The following MND1 variants were observed in gnomAD, a reference collection of about 807,000 sequenced individuals.
MND1 encodes meiotic nuclear division protein 1 homolog.
Under a neutral mutation model 35.1 loss-of-function variants are expected in MND1, and 28 were observed. The ratio of observed to expected loss-of-function variants is 0.80; its 90% CI spans 0.59 to 1.09. The LOEUF is 1.09. Among genes scored for constraint, MND1 ranks in the 50% least tolerant of loss-of-function variants. The pLI, the probability that MND1 is intolerant of heterozygous loss-of-function variation, is 0.00. For synonymous variants in MND1, 69 were observed against 70.5 expected (o/e 0.98, Z 0.11); for missense variants, 213 against 239.6 (o/e 0.89, Z 0.73).
intron 4 of MND1, among the ~76,000 whole-genome samples, chr4:153,391,606 A>G (rs1052762463): frequency 1.3e-5 from 2 of 151,610 alleles, no homozygotes; most frequent in Non-Finnish European, 2.9e-5. Context: ...GGGTGCCTGT[A>G]ATCCCAGCTA....
chr4:153,410,213 CTT>C (rs1164290764), intron 7 of MND1, among the ~76,000 whole-genome samples: 1 of 151,986 alleles, frequency 6.6e-6, no homozygotes, highest in Non-Finnish European at 1.5e-5. Context: ...CTTTTCTTCT[CTT>C]AAAAAAGTTC....
intron 4 of MND1, among the ~76,000 whole-genome samples, chr4:153,382,824 G>A (rs1216933841): frequency 6.6e-6 from 1 of 152,104 alleles, no homozygotes; most frequent in Non-Finnish European, 1.5e-5. Context: ...ATTTTCATTA[G>A]AAATTTCAAT....
chr4:153,375,290 G>T (rs532054679), intron 4 of MND1, among the ~76,000 whole-genome samples: 1 of 152,122 alleles, frequency 6.6e-6, no homozygotes, highest in South Asian at 2.1e-4. Flanking sequence ...AAGAGCTTTT[G>T]CATGTTTTGT....
At chr4:153,389,247 C>T (rs985484078) in intron 4 of MND1, among the ~76,000 whole-genome samples, 22 of 152,182 alleles carry the variant, frequency 1.4e-4, no homozygotes, top group African/African-American at 5.1e-4. Flanking sequence ...ACCAGGGACC[C>T]GCCTCTATCT....
chr4:153,396,895 AT>A (rs1207394156), intron 5 of MND1, among the ~76,000 whole-genome samples: 9 of 146,986 alleles, frequency 6.1e-5, no homozygotes, highest in African/African-American at 2.2e-4. Flanking sequence ...AAGTAGTATA[AT>A]TTTTTTCTGT....
chr4:153,414,213 A>G (rs534126167), intron 7 of MND1, among the ~76,000 whole-genome samples: 4 of 152,294 alleles, frequency 2.6e-5, no homozygotes, highest in African/African-American at 9.6e-5. Context: ...TAAGTCTGGT[A>G]TTTAGCAGCA....
Position 153,415,047 on chromosome 4 carries a change from C to T in MND1, c.*190C>T, listed in dbSNP as rs992582481. 4 of 357,172 alleles carry T rather than the reference C, an allele frequency of 1.1e-5. No individual in the cohort carries two copies. The highest frequency in any genetic ancestry group is 1.5e-5 in the Non-Finnish European group (3 of 194,228). 22.1% of individuals were successfully genotyped at this position (357,172 alleles called of 1,614,324 possible). A position where few individuals can be genotyped will look rare whatever the true frequency, so the allele number is the denominator to read the frequency against. Reference sequence around the variant, plus strand: ...ACAAAAGCAGGATGATAACCATATCCCCCCAGTGCTCATCAAAGTAGGACA... The same window carrying T: ...ACAAAAGCAGGATGATAACCATATCTCCCCAGTGCTCATCAAAGTAGGACA... On this transcript the variant is annotated 3_prime_UTR_variant, in exon 8 of 8. Transcript: ENST00000240488.
chr4:153,377,805 A>G (rs1295277521), intron 4 of MND1, among the ~76,000 whole-genome samples: 1 of 152,172 alleles, frequency 6.6e-6, no homozygotes, highest in Non-Finnish European at 1.5e-5. Context: ...AACTTCCGCC[A>G]TTTACATGCT....
rs1383156183 is a variant in MND1, at chr4:153,394,353, A to G, written c.351+17A>G. 3.8e-6 allele frequency: 6 copies of G among 1,594,324 alleles called. No individual in the cohort carries two copies. Among genetic ancestry groups the G allele is most frequent in the East Asian group, 4.5e-5 (2 of 44,528 alleles). ...TGTGAAACGGTAAGTTTGTGTCTAT[A>G]GATTATTTTAATAATGGCAATTCTA... On this transcript the variant is annotated intron_variant, in intron 5 of 7. Coordinates refer to ENST00000240488, the MANE Select transcript of MND1 (RefSeq NM_032117.4).
chr4:153,359,906 G>A (rs1261081808), intron 4 of MND1, among the ~76,000 whole-genome samples: 1 of 149,888 alleles, frequency 6.7e-6, no homozygotes, highest in East Asian at 2.0e-4. Flanking sequence ...TCCTGCCTCA[G>A]CCTTCCAAGT....
At chr4:153,407,233 G>A (rs1392648645) in intron 6 of MND1, among the ~76,000 whole-genome samples, 1 of 152,224 alleles carries the variant, frequency 6.6e-6, no homozygotes, top group South Asian at 2.1e-4. Flanking sequence ...GGAGGCCGAG[G>A]CAGGCGGATC....
At chr4:153,400,585 G>A (rs1028643166) in intron 6 of MND1, among the ~76,000 whole-genome samples, 5 of 152,052 alleles carry the variant, frequency 3.3e-5, no homozygotes, top group Admixed American at 1.3e-4. Context: ...TCTTCCTCCA[G>A]TTTTATTACC....
intron 4 of MND1, among the ~76,000 whole-genome samples, chr4:153,393,535 C>T (rs141300820): frequency 3.9e-5 from 6 of 151,918 alleles, no homozygotes; most frequent in Admixed American, 2.6e-4. Flanking sequence ...CATGCCATCA[C>T]GCTTGGCTAA....
intron 1 of MND1, 80 bp from the exon 2 acceptor site, chr4:153,349,984 A>T: frequency 1.0e-6 from 1 of 1,002,982 alleles, no homozygotes; most frequent in Non-Finnish European, 1.5e-6. Flanking sequence ...GACCATGCAT[A>T]AAATTTCAAA....
intron 4 of MND1, among the ~76,000 whole-genome samples, chr4:153,389,841 G>A (rs933124665): frequency 3.9e-5 from 6 of 152,072 alleles, no homozygotes; most frequent in Admixed American, 1.3e-4. Context: ...GTGTGTTTTA[G>A]TTGGGTTTGT....
At chr4:153,393,919 G>GTTTTGTT (rs1360869360) in intron 4 of MND1, among the ~76,000 whole-genome samples, 1 of 55,578 alleles carries the variant, frequency 1.8e-5, no homozygotes, top group Non-Finnish European at 3.6e-5. Context: ...GTTTGACTTT[G>GTTTTGTT]TTTTCTTTTT....
intron 6 of MND1, among the ~76,000 whole-genome samples, chr4:153,403,205 A>G (rs1463056273): frequency 6.6e-6 from 1 of 152,152 alleles, no homozygotes; most frequent in African/African-American, 2.4e-5. Flanking sequence ...GGAAATATAG[A>G]AGGCCTACAT....
intron 7 of MND1, among the ~76,000 whole-genome samples, chr4:153,413,085 C>T (rs1384131767): frequency 2.0e-5 from 3 of 152,034 alleles, no homozygotes; most frequent in East Asian, 1.9e-4. Context: ...GGATTAGGGC[C>T]CACCCCAATG....
At chr4:153,369,491 C>T (rs1314697376) in intron 4 of MND1, among the ~76,000 whole-genome samples, 2 of 152,094 alleles carry the variant, frequency 1.3e-5, no homozygotes, top group African/African-American at 4.8e-5. Flanking sequence ...TTTCTCAGTG[C>T]ACCTAAAAGT....
Sources: allele counts gnomAD v4.1 joint callset (sites outside exome capture counted in the v4.1 genomes callset), GRCh38; gene constraint gnomAD v4.1.1; transcripts MANE v1.5; gene names NCBI Gene and HGNC (gene_info 2026-07-23, HGNC 2026-07-21).